ZFHX3: variants seen among roughly 807,000 people sequenced by gnomAD.
The protein encoded by ZFHX3 is zinc finger homeobox 3.
Under a neutral mutation model 279.1 loss-of-function variants are expected in ZFHX3, and 42 were observed. That is an observed-to-expected ratio of 0.15 (90% CI 0.12 to 0.19). ZFHX3 has a LOEUF of 0.19. Ranked by LOEUF, ZFHX3 falls within the 10% of genes least tolerant of loss-of-function variation. ZFHX3 has a pLI of 1.00. For synonymous variants in ZFHX3, 2,293 were observed against 1,957.8 expected (o/e 1.17, Z -4.52); for missense variants, 4,981 against 4,754.0 (o/e 1.05, Z -1.40).
Position 72,812,119 on chromosome 16 carries a change from A to G in ZFHX3, c.3530-81T>C, listed in dbSNP as rs1440950251. ...GGGTTTGTGTTGGGTGAAAATCAACATTCATTTATAGCACAGGATTTTCTT... is the reference window on the plus strand; with the variant it reads ...GGGTTTGTGTTGGGTGAAAATCAACGTTCATTTATAGCACAGGATTTTCTT... On this transcript the variant is annotated intron_variant, in intron 5 of 9. Transcript: ENST00000268489. 10 of 1,532,164 alleles carry G rather than the reference A, an allele frequency of 6.5e-6. 1 individual carries two copies. The South Asian group carries it at 7.7e-5, about 12-fold the overall frequency. The allele number at this position is 1,532,164 out of a possible 1,614,324, so 94.9% of individuals were successfully genotyped here.
At chr16:72,838,616 G>A (rs1030856689) in intron 4 of ZFHX3, among the ~76,000 whole-genome samples, 5 of 152,198 alleles carry the variant, frequency 3.3e-5, no homozygotes, top group Admixed American at 2.6e-4. Context: ...GGTGAGGGAC[G>A]GGTCCTGCCA....
At chr16:73,455,386 G>T (rs915544233) in intron 3 of ZFHX3, among the ~76,000 whole-genome samples, 1 of 152,084 alleles carries the variant, frequency 6.6e-6, no homozygotes, top group African/African-American at 2.4e-5. Context: ...TGAAAATAAA[G>T]ACCCAGGGGG....
At chr16:73,600,579 G>A (rs1164190070) in intron 2 of ZFHX3, among the ~76,000 whole-genome samples, 3 of 151,854 alleles carry the variant, frequency 2.0e-5, no homozygotes, top group African/African-American at 4.8e-5. Context: ...CACCACGCCC[G>A]GCCAATGTTT....
chr16:73,473,588 A>G (rs577138327), intron 2 of ZFHX3, among the ~76,000 whole-genome samples: 3 of 152,224 alleles, frequency 2.0e-5, no homozygotes, highest in Non-Finnish European at 4.4e-5. Flanking sequence ...CCACCCACTG[A>G]CTTATTCCGT....
intron 5 of ZFHX3, among the ~76,000 whole-genome samples, chr16:73,174,201 C>A (rs1305846263): frequency 2.0e-5 from 3 of 151,988 alleles, no homozygotes; most frequent in Admixed American, 1.3e-4. Context: ...CAGGAGGAAA[C>A]CTCACTTGCT....
chr16:73,419,469 T>A (rs2017671845), intron 3 of ZFHX3, among the ~76,000 whole-genome samples: 1 of 152,156 alleles, frequency 6.6e-6, no homozygotes, highest in Admixed American at 6.5e-5. Context: ...ACTAGATCAG[T>A]GACTGTCTCA....
chr16:73,619,222 C>T lies in ZFHX3; in HGVS notation c.-1547+60958G>A, dbSNP rs550756641. On this transcript the variant is annotated intron_variant, in intron 2 of 17. Coordinates refer to the ZFHX3 transcript ENST00000641206. ...ATAGGTCTGTGGCCGGGTGCGGTGGCTCATGCCTGTAATCCTAGCACTTCG... is the reference window on the plus strand; with the variant it reads ...ATAGGTCTGTGGCCGGGTGCGGTGGTTCATGCCTGTAATCCTAGCACTTCG... 2.6e-5 allele frequency among the ~76,000 whole-genome samples: 4 copies of T among 152,156 alleles called. No homozygotes were observed. In the East Asian group the frequency reaches 5.8e-4, roughly 22 times the overall value.
intron 4 of ZFHX3, among the ~76,000 whole-genome samples, chr16:73,264,993 A>T (rs542112228): frequency 2.0e-5 from 3 of 146,754 alleles, no homozygotes; most frequent in South Asian, 4.4e-4. Context: ...TGTGTATTAT[A>T]TATATATATA....
chr16:73,886,301 AG>A (rs1443356781), intron 1 of ZFHX3, among the ~76,000 whole-genome samples: 1 of 152,128 alleles, frequency 6.6e-6, no homozygotes, highest in African/African-American at 2.4e-5. Flanking sequence ...AAATTTTAAG[AG>A]GGAAAAAAAA....
intron 1 of ZFHX3, among the ~76,000 whole-genome samples, chr16:73,840,880 T>C (rs1157529417): frequency 6.6e-6 from 1 of 151,196 alleles, no homozygotes; most frequent in African/African-American, 2.4e-5. Flanking sequence ...TGGGAGGGGG[T>C]TGGGGAAGAG....
intron 4 of ZFHX3, among the ~76,000 whole-genome samples, chr16:73,266,314 A>AATTAGT (rs1270053021): frequency 6.6e-6 from 1 of 152,210 alleles, no homozygotes; most frequent in African/African-American, 2.4e-5. Flanking sequence ...CATTTTAAAT[A>AATTAGT]ATTAGTATTA....
At chr16:73,245,979 GT>G (rs1446131299) in intron 5 of ZFHX3, among the ~76,000 whole-genome samples, 4 of 152,246 alleles carry the variant, frequency 2.6e-5, no homozygotes, top group Non-Finnish European at 4.4e-5. Context: ...TTGGGCTGCT[GT>G]GGGATGTGCA....
At chr16:73,260,356 TGAGACTCTG>T (rs1013060730) in intron 4 of ZFHX3, among the ~76,000 whole-genome samples, 1 of 152,168 alleles carries the variant, frequency 6.6e-6, no homozygotes, top group African/African-American at 2.4e-5. Context: ...GGAGATATTT[TGAGACTCTG>T]GAAATATCCT....
intron 3 of ZFHX3, among the ~76,000 whole-genome samples, chr16:73,386,456 T>C (rs1284866523): frequency 6.6e-6 from 1 of 152,108 alleles, no homozygotes. Context: ...CATAGGGAGA[T>C]GAGATAAGGC....
intron 3 of ZFHX3, among the ~76,000 whole-genome samples, chr16:73,341,343 A>G (rs1475351328): frequency 1.3e-5 from 2 of 151,652 alleles, no homozygotes; most frequent in Non-Finnish European, 2.9e-5. Context: ...TCCATCTCAA[A>G]ATAATAATAA....
chr16:72,839,985 G>A (rs1266005721), intron 4 of ZFHX3, among the ~76,000 whole-genome samples: 1 of 152,172 alleles, frequency 6.6e-6, no homozygotes, highest in Non-Finnish European at 1.5e-5. Flanking sequence ...GCTGGGAGGG[G>A]AGAAGACAAG....
At chr16:73,606,697 T>C (rs2052187619) in intron 2 of ZFHX3, among the ~76,000 whole-genome samples, 1 of 152,178 alleles carries the variant, frequency 6.6e-6, no homozygotes, top group Admixed American at 6.5e-5. Flanking sequence ...ACGCCCAGCA[T>C]GCATTAGCTA....
chr16:73,609,466 T>C (rs2052223718), intron 2 of ZFHX3: 1 of 152,192 alleles, frequency 6.6e-6, no homozygotes, highest in African/African-American at 2.4e-5. Flanking sequence ...TTGTCAACAA[T>C]AGAAAGGAGT....
chr16:73,153,291 T>C (rs1966992758), intron 5 of ZFHX3, among the ~76,000 whole-genome samples: 2 of 152,198 alleles, frequency 1.3e-5, no homozygotes, highest in African/African-American at 4.8e-5. Flanking sequence ...AAGTTTATTT[T>C]ATGTTTTTAG....
Sources: gnomAD v4.1 joint callset for allele counts (sites outside exome capture counted in the v4.1 genomes callset) on GRCh38, gnomAD v4.1.1 for gene constraint, MANE v1.5 for transcripts, NCBI Gene and HGNC (gene_info 2026-07-23, HGNC 2026-07-21) for gene names.